Variants in SYCP2L observed in about 807,000 individuals in gnomAD.
SYCP2L encodes the protein synaptonemal complex protein 2 like, also known as synaptonemal complex protein 2-like.
A neutral mutation model predicts 125.8 loss-of-function variants in SYCP2L; 98 were observed. The ratio of observed to expected loss-of-function variants is 0.78; its 90% CI spans 0.66 to 0.92. SYCP2L has a LOEUF of 0.92. Ranked by LOEUF, SYCP2L falls within the 40% of genes least tolerant of loss-of-function variation. The pLI, the probability that SYCP2L is intolerant of heterozygous loss-of-function variation, is 0.00. For synonymous variants in SYCP2L, 317 were observed against 325.4 expected (o/e 0.97, Z 0.28); for missense variants, 842 against 936.4 (o/e 0.90, Z 1.32).
chr6:10,909,898 C>G (rs1468362489), intron 10 of SYCP2L, among the ~76,000 whole-genome samples: 1 of 152,162 alleles, frequency 6.6e-6, no homozygotes, highest in Non-Finnish European at 1.5e-5. Flanking sequence ...TTTTGGAGAC[C>G]TAAGTATTCC....
chr6:10,887,162 C>T (rs1481124343), intron 1 of SYCP2L, 27 bp downstream of exon 1: 2 of 1,614,032 alleles, frequency 1.2e-6, no homozygotes, highest in South Asian at 1.1e-5. Flanking sequence ...GGGCCCGGAC[C>T]TTCTGTCCAC....
chr6:10,892,957 A>ATCTT (rs1554104233), intron 2 of SYCP2L, among the ~76,000 whole-genome samples: 13 of 151,774 alleles, frequency 8.6e-5, no homozygotes, highest in African/African-American at 3.1e-4. Context: ...AAAGATAAAA[A>ATCTT]ATCTTTTATA....
chr6:10,917,962 GA>G (rs1780719049), intron 14 of SYCP2L, among the ~76,000 whole-genome samples: 2 of 152,078 alleles, frequency 1.3e-5, no homozygotes, highest in African/African-American at 4.8e-5. Flanking sequence ...TGAGGAGGCT[GA>G]AGATAGGGCC....
chr6:10,902,831 C>T, intron 7 of SYCP2L, 44 bp from the exon 8 acceptor site: 1 of 1,611,984 alleles, frequency 6.2e-7, no homozygotes, highest in Non-Finnish European at 8.5e-7. Context: ...ACATAGGTCT[C>T]TGTTTTCTTT....
chr6:10,910,992 A>G (rs1028154156), intron 12 of SYCP2L, 123 bp downstream of exon 12: 9 of 1,005,426 alleles, frequency 9.0e-6, no homozygotes, highest in East Asian at 4.8e-5. Context: ...AAGGATGCCA[A>G]CGTCTTCTAA....
chr6:10,956,720 C>T (rs1781508138), intron 25 of SYCP2L, among the ~76,000 whole-genome samples: 1 of 152,194 alleles, frequency 6.6e-6, no homozygotes. Context: ...GCCTCGGCCT[C>T]CCAAAGTGCT....
At chr6:10,973,661 CTCCAACA>C (rs1455475921) in intron 29 of SYCP2L, among the ~76,000 whole-genome samples, 3 of 152,238 alleles carry the variant, frequency 2.0e-5, no homozygotes, top group Non-Finnish European at 2.9e-5. Flanking sequence ...GCTGTCTTAT[CTCCAACA>C]TCCAACAAAA....
intron 6 of SYCP2L, among the ~76,000 whole-genome samples, chr6:10,901,196 A>G (rs1267811752): frequency 2.0e-5 from 3 of 152,170 alleles, no homozygotes; most frequent in Non-Finnish European, 2.9e-5. Context: ...CCTTAATTTA[A>G]TTACTAACAT....
intron 28 of SYCP2L, among the ~76,000 whole-genome samples, chr6:10,962,779 A>C (rs1160246635): frequency 6.6e-6 from 1 of 152,226 alleles, no homozygotes; most frequent in Non-Finnish European, 1.5e-5. Context: ...TGTCTGGCTT[A>C]ATAGAAGCCA....
chr6:10,964,114 C>G (rs546601548), intron 29 of SYCP2L, among the ~76,000 whole-genome samples: 1 of 152,002 alleles, frequency 6.6e-6, no homozygotes, highest in African/African-American at 2.4e-5. Context: ...CCCGCCACCA[C>G]GCCCGGCTAA....
intron 2 of SYCP2L, 62 bp downstream of exon 2, chr6:10,891,643 G>GTATA: frequency 4.7e-6 from 4 of 851,508 alleles, no homozygotes; most frequent in Non-Finnish European, 5.6e-6. Context: ...GTGTGTGTGT[G>GTATA]TGTGTGTGTG....
chr6:10,896,137 C>G (rs533735056), intron 4 of SYCP2L, among the ~76,000 whole-genome samples: 3 of 152,124 alleles, frequency 2.0e-5, no homozygotes, highest in Non-Finnish European at 4.4e-5. Context: ...CAGAGTGAGA[C>G]CCTGTCTCCA....
intron 11 of SYCP2L, among the ~76,000 whole-genome samples, 198 bp from the exon 12 acceptor site, chr6:10,910,626 C>T (rs1382219119): frequency 6.6e-6 from 1 of 152,108 alleles, no homozygotes; most frequent in Admixed American, 6.6e-5. Flanking sequence ...ACTAGTAAAC[C>T]TGGCTTACTG....
Position 10,910,813 on chromosome 6 carries a change from G to A in SYCP2L, c.873-11G>A. On this transcript the variant is annotated splice_polypyrimidine_tract_variant and intron_variant, in intron 11 of 29. Coordinates refer to ENST00000283141, the MANE Select transcript of SYCP2L (RefSeq NM_001040274.3). ...CATGTTTTATTTTTTTAATTGTGAG[G>A]TATTTTGCAGGGTGTATTCATTTCC... is the stretch of plus-strand genomic sequence containing the variant. 6.2e-7 allele frequency: 1 copy of A among 1,613,780 alleles called. No homozygotes were observed. The highest frequency in any genetic ancestry group is 1.6e-4 in the Middle Eastern group (1 of 6,062).
chr6:10,903,201 A>G lies in SYCP2L; in HGVS notation c.641+238A>G, dbSNP rs536026029. On this transcript the variant is annotated intron_variant, in intron 8 of 29. Transcript: ENST00000283141. ...TGTAATCCCAGCACTTTGGGGGGCC[A>G]AGGCGGGCAGATCATGAGGTCAGGA... Among the ~76,000 whole-genome samples the G allele has an allele frequency of 1.9e-4, 29 of 152,296 alleles. No individual in the cohort carries two copies. The South Asian group carries it at 6.0e-3, about 32-fold the overall frequency.
intron 8 of SYCP2L, among the ~76,000 whole-genome samples, chr6:10,905,178 A>C (rs1780465134): frequency 6.7e-6 from 1 of 148,778 alleles, no homozygotes; most frequent in South Asian, 2.1e-4. Flanking sequence ...AAGAAGATCG[A>C]CTCACACTTG....
At chr6:10,924,840 A>G (rs1780869857) in intron 15 of SYCP2L, among the ~76,000 whole-genome samples, 199 bp downstream of exon 15, 1 of 152,160 alleles carries the variant, frequency 6.6e-6, no homozygotes, top group Non-Finnish European at 1.5e-5. Context: ...TTGAGGTAGG[A>G]TAGAAAGCCT....
chr6:10,929,794 T>C (rs75128462), intron 18 of SYCP2L, among the ~76,000 whole-genome samples: 14 of 151,654 alleles, frequency 9.2e-5, no homozygotes, highest in Admixed American at 2.6e-4. Context: ...AAAAAAAAAT[T>C]AGCTGGGTGG....
intron 29 of SYCP2L, among the ~76,000 whole-genome samples, chr6:10,968,849 A>G (rs1240809667): frequency 6.6e-6 from 1 of 152,086 alleles, no homozygotes; most frequent in Non-Finnish European, 1.5e-5. Flanking sequence ...TGAAGGAGGG[A>G]GCTTATAGTT....
Sources: allele counts gnomAD v4.1 joint callset (sites outside exome capture counted in the v4.1 genomes callset), GRCh38; gene constraint gnomAD v4.1.1; transcripts MANE v1.5; gene names NCBI Gene and HGNC (gene_info 2026-07-23, HGNC 2026-07-21).